Variants in ERAP1 observed in about 807,000 individuals in gnomAD.
The protein encoded by ERAP1 is endoplasmic reticulum aminopeptidase 1.
Under a neutral mutation model 103.7 loss-of-function variants are expected in ERAP1, and 86 were observed. The observed-to-expected ratio is 0.83, with a 90% CI of 0.70 to 0.99. The LOEUF (loss-of-function observed/expected upper bound fraction) is 0.99. Ranked by LOEUF, ERAP1 falls within the 50% of genes least tolerant of loss-of-function variation. The probability of loss-of-function intolerance (pLI) is 0.00; values close to 1 mark genes in which losing one functional copy is unlikely to be tolerated. For synonymous variants in ERAP1, 398 were observed against 402.4 expected, an observed-to-expected ratio of 0.99 and a Z score of 0.13; for missense variants, 1,009 against 1,128.4, an observed-to-expected ratio of 0.89 and a Z score of 1.52.
the ERAP1 span, among the ~76,000 whole-genome samples, chr5:96,830,142 A>G: frequency 6.6e-6 from 1 of 152,168 alleles, no homozygotes; most frequent in Non-Finnish European, 1.5e-5. Context: ...ATGAGAGCCT[A>G]TGGGACTGCA....
Position 96,774,584 on chromosome 5 carries a change from A to AAGAT in ERAP1, c.*1808_*1811dup, listed in dbSNP as rs1246708238. 2.0e-5 allele frequency: 20 copies of AAGAT among 985,508 alleles called. No individual in the cohort carries two copies. The highest frequency in any genetic ancestry group is 4.7e-5 in the South Asian group (1 of 21,294). The allele number at this position is 985,508 out of a possible 1,614,324, so 61.0% of individuals were successfully genotyped here. A position where few individuals can be genotyped will look rare whatever the true frequency, so the allele number is the denominator to read the frequency against. On this transcript the variant is annotated 3_prime_UTR_variant, in exon 19 of 19. Coordinates refer to ENST00000443439, the MANE Select transcript of ERAP1 (RefSeq NM_001040458.3). ...AAATGGGCTTTTCCAAAAGCAAACAAAGATAGGTTCCTCAGGTGACCAAAA... is the reference window on the plus strand; with the variant it reads ...AAATGGGCTTTTCCAAAAGCAAACAAAGATAGATAGGTTCCTCAGGTGACCAAAA...
intron 1 of ERAP1, among the ~76,000 whole-genome samples, chr5:96,805,346 G>GTGT (rs1778468872): frequency 8.4e-6 from 1 of 119,090 alleles, no homozygotes; most frequent in Non-Finnish European, 1.7e-5. Context: ...CTGGTTTTTG[G>GTGT]TTTTTTTTTT....
At chr5:96,851,644 T>G in the ERAP1 span, among the ~76,000 whole-genome samples, 3 of 152,136 alleles carry the variant, frequency 2.0e-5, no homozygotes, top group African/African-American at 2.4e-5. Context: ...TGGTTTTGCT[T>G]TATGAATTCA....
At chr5:96,889,422 G>A in the ERAP1 span, 1 of 1,179,866 alleles carries the variant, frequency 8.5e-7, no homozygotes, top group Admixed American at 1.7e-5. Context: ...AGTTAGCTCA[G>A]GAAAAAATAA....
At chr5:96,854,457 A>T in the ERAP1 span, among the ~76,000 whole-genome samples, 2 of 151,872 alleles carry the variant, frequency 1.3e-5, no homozygotes, top group African/African-American at 4.8e-5. Flanking sequence ...CAAACAACAA[A>T]AAAAAAACCT....
At chr5:96,913,058 TA>T in the ERAP1 span, among the ~76,000 whole-genome samples, 1 of 152,214 alleles carries the variant, frequency 6.6e-6, no homozygotes, top group Non-Finnish European at 1.5e-5. Flanking sequence ...ATTATTGTTG[TA>T]AAAATACATT....
At chr5:96,815,003 A>G in the ERAP1 span, among the ~76,000 whole-genome samples, 82 of 152,328 alleles carry the variant, frequency 5.4e-4, no homozygotes, top group African/African-American at 1.9e-3. Context: ...CAGCTCTGGC[A>G]GCAAGACCAG....
chr5:96,780,970 T>C, intron 17 of ERAP1, 88 bp downstream of exon 17: 1 of 1,480,222 alleles, frequency 6.8e-7, no homozygotes, highest in Admixed American at 1.7e-5. Context: ...ACCTTTAGAC[T>C]GTTACTGTTC....
chr5:96,863,577 C>T, the ERAP1 span, among the ~76,000 whole-genome samples: 1 of 151,454 alleles, frequency 6.6e-6, no homozygotes, highest in Non-Finnish European at 1.5e-5. Flanking sequence ...TTCTTGTTCC[C>T]CGAAACAGAA....
intron 12 of ERAP1, among the ~76,000 whole-genome samples, chr5:96,786,246 G>C (rs565316283): frequency 1.4e-4 from 21 of 152,302 alleles, no homozygotes; most frequent in Non-Finnish European, 1.9e-4. Context: ...TGTTAACAAA[G>C]TAATAGTGAA....
At chr5:96,886,765 T>G in the ERAP1 span, 6 of 1,519,602 alleles carry the variant, frequency 3.9e-6, no homozygotes, top group Non-Finnish European at 5.4e-6. Flanking sequence ...ACTCTCTGAG[T>G]GGCTTCACTT....
At chr5:96,883,175 G>A in the ERAP1 span, among the ~76,000 whole-genome samples, 6 of 152,282 alleles carry the variant, frequency 3.9e-5, no homozygotes, top group East Asian at 1.2e-3. Context: ...GGGGACACGT[G>A]AAGGCGTAGT....
At chr5:96,886,837 G>A in the ERAP1 span, 14 of 1,343,686 alleles carry the variant, frequency 1.0e-5, no homozygotes, top group African/African-American at 1.5e-5. Flanking sequence ...AGTGTCCTGA[G>A]AGCAATGAAC....
chr5:96,932,461 T>G, the ERAP1 span, among the ~76,000 whole-genome samples: 495 of 152,346 alleles, frequency 3.2e-3, 4 homozygotes, highest in African/African-American at 0.011. Flanking sequence ...TAGATGAAAT[T>G]AGCTATATTT....
At chr5:96,769,907 C>T (rs974545551), downstream of ERAP1, 4 of 149,786 alleles carry the variant, frequency 2.7e-5, no homozygotes, top group Non-Finnish European at 4.4e-5. Flanking sequence ...AGTAGGATAT[C>T]GTTTTTTAAG....
At chr5:96,930,394 TTGCGCA>T in the ERAP1 span, among the ~76,000 whole-genome samples, 1 of 152,232 alleles carries the variant, frequency 6.6e-6, no homozygotes, top group East Asian at 1.9e-4. Context: ...TGAAGCTCCA[TTGCGCA>T]TGCACACATT....
At chr5:96,815,441 T>A in the ERAP1 span, among the ~76,000 whole-genome samples, 5 of 150,254 alleles carry the variant, frequency 3.3e-5, no homozygotes, top group South Asian at 2.1e-4. Flanking sequence ...GATGGGATTT[T>A]GCTCTTGTTG....
chr5:96,775,196 T>TATTA lies in ERAP1; in HGVS notation c.*1196_*1199dup. On this transcript the variant is annotated 3_prime_UTR_variant, in exon 19 of 19. Transcript: ENST00000443439. ...CATGTTAGTAAACTGTGCTTTCTATTATTATCATCTATACATAAAACCTGA... is the reference window on the plus strand; with the variant it reads ...CATGTTAGTAAACTGTGCTTTCTATTATTAATTATCATCTATACATAAAACCTGA... The TATTA allele has an allele frequency of 1.0e-6, 1 of 985,550 alleles. No homozygotes were observed. Among genetic ancestry groups the TATTA allele is most frequent in the Non-Finnish European group, 1.2e-6 (1 of 829,926 alleles). The allele number at this position is 985,550 out of a possible 1,614,324, so 61.1% of individuals were successfully genotyped here.
At chr5:96,780,851 T>C (rs542350968) in intron 17 of ERAP1, among the ~76,000 whole-genome samples, 1 of 152,332 alleles carries the variant, frequency 6.6e-6, no homozygotes, top group African/African-American at 2.4e-5. Context: ...TTATGCCAGA[T>C]GGAATGGAAA....
Sources: allele counts gnomAD v4.1 joint callset (sites outside exome capture counted in the v4.1 genomes callset), GRCh38; gene constraint gnomAD v4.1.1; transcripts MANE v1.5; gene names NCBI Gene and HGNC (gene_info 2026-07-23, HGNC 2026-07-21).